The following CDC40 variants were observed in gnomAD, a reference collection of about 807,000 sequenced individuals.
CDC40 encodes cell division cycle 40.
A neutral mutation model predicts 80.6 loss-of-function variants in CDC40; 27 were observed. That is an observed-to-expected ratio of 0.33 (90% confidence interval 0.25 to 0.46). CDC40 has a LOEUF of 0.46. Ranked by LOEUF, CDC40 falls within the 20% of genes least tolerant of loss-of-function variation. The pLI, the probability that CDC40 is intolerant of heterozygous loss-of-function variation, is 1.00. For missense variants in CDC40, 486 were observed against 694.1 expected (o/e 0.70, Z 3.37); for synonymous variants, 221 against 232.6 (o/e 0.95, Z 0.45).
At chr6:110,201,459 CT>C in intron 2 of CDC40, 98 bp from the exon 3 acceptor site, 7 of 916,762 alleles carry the variant, frequency 7.6e-6, no homozygotes, top group African/African-American at 3.4e-5. Flanking sequence ...TTAATAGGCC[CT>C]TTTTTTGTAC....
In CDC40 at chr6:110,230,417, T is replaced by C. The variant is rs1322188006; in HGVS notation, c.*286T>C. 1 of 262,402 alleles carries C rather than the reference T, an allele frequency of 3.8e-6. No homozygotes were observed. The highest frequency in any genetic ancestry group is 7.2e-6 in the Non-Finnish European group (1 of 139,612). The allele number at this position is 262,402 out of a possible 1,614,324, so 16.3% of individuals were successfully genotyped here. ...ACTCATGACATACTGAAAGCATCTC[T>C]TTGGGGTCAAGAAAGAATCCCTAGT... On this transcript the variant is annotated 3_prime_UTR_variant, in exon 15 of 15. Coordinates refer to ENST00000307731, the MANE Select transcript of CDC40 (RefSeq NM_015891.3).
At chr6:110,199,856 G>A (rs1777472524) in intron 2 of CDC40, among the ~76,000 whole-genome samples, 1 of 152,002 alleles carries the variant, frequency 6.6e-6, no homozygotes, top group African/African-American at 2.4e-5. Flanking sequence ...AGCAGATGCT[G>A]CTCTGTGGAT....
intron 4 of CDC40, among the ~76,000 whole-genome samples, 171 bp downstream of exon 4, chr6:110,207,760 T>TAGAGCTTGCTTTTGCCGC (rs1777584629): frequency 6.6e-6 from 1 of 152,230 alleles, no homozygotes; most frequent in Non-Finnish European, 1.5e-5. Flanking sequence ...TGTTACAGTT[T>TAGAGCTTGCTTTTGCCGC]AGAGCTTGCT....
intron 1 of CDC40, among the ~76,000 whole-genome samples, chr6:110,184,285 C>T (rs1214747790): frequency 1.3e-5 from 2 of 152,016 alleles, no homozygotes; most frequent in African/African-American, 4.8e-5. Flanking sequence ...GAAAGTTCTG[C>T]TAATACCCAG....
intron 13 of CDC40, among the ~76,000 whole-genome samples, chr6:110,228,398 T>C (rs1777893114): frequency 6.6e-6 from 1 of 152,126 alleles, no homozygotes; most frequent in African/African-American, 2.4e-5. Context: ...TATAGTTTTA[T>C]TTAATAACCC....
At chr6:110,209,734 TAGGTCCC>T (rs906609135) in intron 5 of CDC40, among the ~76,000 whole-genome samples, 171 of 152,306 alleles carry the variant, frequency 1.1e-3, no homozygotes, top group African/African-American at 4.0e-3. Flanking sequence ...GAGAGTGTTC[TAGGTCCC>T]AGGCATACAG....
At chr6:110,197,426 AT>A (rs1202145605) in intron 2 of CDC40, among the ~76,000 whole-genome samples, 1 of 152,208 alleles carries the variant, frequency 6.6e-6, no homozygotes, top group Admixed American at 6.5e-5. Context: ...TGTACTGATC[AT>A]TTTTTGTGGT....
intron 9 of CDC40, among the ~76,000 whole-genome samples, 159 bp from the exon 10 acceptor site, chr6:110,217,543 T>TGGG (rs962585165): frequency 3.0e-5 from 4 of 133,672 alleles, no homozygotes; most frequent in Non-Finnish European, 6.5e-5. Flanking sequence ...ACACATAACA[T>TGGG]ATTCTAAGTC....
At chr6:110,215,473 C>A in intron 9 of CDC40, 142 bp downstream of exon 9, 1 of 701,638 alleles carries the variant, frequency 1.4e-6, no homozygotes, top group East Asian at 2.7e-5. Flanking sequence ...GTCAGTGTCC[C>A]CAGTTAGACA....
At chr6:110,205,414 TG>T (rs202196277) in intron 3 of CDC40, among the ~76,000 whole-genome samples, 1,940 of 152,372 alleles carry the variant, frequency 0.013, 47 homozygotes, top group African/African-American at 0.045. Context: ...GTTCTATCAC[TG>T]GCTGATTTGT....
chr6:110,217,762 C>T lies in CDC40; in HGVS notation c.1049C>T (p.Ala350Val), dbSNP rs761459779. Residue 350 changes from alanine to valine, a missense_variant, in exon 10 of 15, where the codon GCA becomes GTA. Around this residue, in one of 3 missense-constraint regions of CDC40, gnomAD observed 381 missense variants for 492.1 expected, o/e 0.77. Coordinates refer to ENST00000307731, the MANE Select transcript of CDC40 (RefSeq NM_015891.3). ...ACTGCAGGAACACAGTTCCTCAGTG[C>T]AGCCTATGACAGGTATCTTAAGCTC... ...FNTAGTQFLS[A>V]AYDRYLKLWD... The T allele has an allele frequency of 1.9e-6, 3 of 1,603,098 alleles. No homozygotes were observed. The highest frequency in any genetic ancestry group is 1.7e-6 in the Non-Finnish European group (2 of 1,170,084).
In CDC40 at chr6:110,226,191, C is replaced by T. The variant is rs1467948159; in HGVS notation, c.1365C>T (p.Tyr455=). 6.2e-7 allele frequency: 1 copy of T among 1,608,462 alleles called. No homozygotes were observed. The highest frequency in any genetic ancestry group is 1.1e-5 in the South Asian group (1 of 90,636). The change falls in exon 13 of 15, where the codon TAC becomes TAT. Residue 455 remains tyrosine (Y), a synonymous_variant. Coordinates refer to ENST00000307731, the MANE Select transcript of CDC40 (RefSeq NM_015891.3). ...GGGATATCCCTGTGGATTTCAAGTACATAGCAGAACCCAGTATGCACTCAA... is the reference window on the plus strand; with the variant it reads ...GGGATATCCCTGTGGATTTCAAGTATATAGCAGAACCCAGTATGCACTCAA... ...WEWDIPVDFK[Y]IAEPSMHSMP...
At chr6:110,224,828 T>G (rs1423698206) in intron 12 of CDC40, among the ~76,000 whole-genome samples, 1 of 152,278 alleles carries the variant, frequency 6.6e-6, no homozygotes, top group Non-Finnish European at 1.5e-5. Context: ...TGAATATTTT[T>G]GTTTACTTTT....
rs371774516 is a variant in CDC40, at chr6:110,226,253, T to C, written c.1417+10T>C. ...ACTTTGTCTCCAAATGGTGAGTTAG[T>C]ATGTAGATTGTATTTTTAAATGAGC... On this transcript the variant is annotated intron_variant, in intron 13 of 14. Coordinates refer to ENST00000307731, the MANE Select transcript of CDC40 (RefSeq NM_015891.3). 18 of 1,530,766 alleles carry C rather than the reference T, an allele frequency of 1.2e-5. No individual in the cohort carries two copies. The highest frequency in any genetic ancestry group is 1.6e-5 in the Non-Finnish European group (18 of 1,107,032). The allele number at this position is 1,530,766 out of a possible 1,614,324, so 94.8% of individuals were successfully genotyped here.
At chr6:110,187,681 T>A (rs1311068482) in intron 1 of CDC40, among the ~76,000 whole-genome samples, 1 of 152,194 alleles carries the variant, frequency 6.6e-6, no homozygotes, top group East Asian at 1.9e-4. Context: ...TTACATGGTG[T>A]TTTTATGTCT....
At chr6:110,226,362 G>C in intron 13 of CDC40, 119 bp downstream of exon 13, 1 of 562,266 alleles carries the variant, frequency 1.8e-6, no homozygotes, top group Non-Finnish European at 3.1e-6. Context: ...GCCATTATTT[G>C]TATAAGGTAA....
chr6:110,221,633 A>C (rs916050787), intron 12 of CDC40, among the ~76,000 whole-genome samples: 1 of 152,162 alleles, frequency 6.6e-6, no homozygotes, highest in Non-Finnish European at 1.5e-5. Context: ...ATGCATATAC[A>C]TGTTCTGTTT....
intron 2 of CDC40, among the ~76,000 whole-genome samples, chr6:110,195,581 T>C (rs1777408951): frequency 6.6e-6 from 1 of 152,186 alleles, no homozygotes; most frequent in African/African-American, 2.4e-5. Context: ...TATTGAGTTA[T>C]AAAGATAAAT....
intron 3 of CDC40, among the ~76,000 whole-genome samples, chr6:110,204,220 G>T (rs1372172248): frequency 6.6e-6 from 1 of 152,036 alleles, no homozygotes; most frequent in Non-Finnish European, 1.5e-5. Context: ...CACCATGTTA[G>T]CCAGGATGGT....
Sources: gnomAD v4.1 joint callset for allele counts (sites outside exome capture counted in the v4.1 genomes callset) on GRCh38, gnomAD v4.1.1 for gene constraint, gnomAD v4.1.1 regional missense constraint, MANE v1.5 for transcripts, NCBI Gene and HGNC (gene_info 2026-07-23, HGNC 2026-07-21) for gene names.